Variants in KLK1 observed in about 807,000 individuals in gnomAD.
KLK1 encodes the protein kallikrein-1.
A neutral mutation model predicts 23.3 loss-of-function variants in KLK1; 22 were observed. The observed-to-expected ratio is 0.95, with a 90% CI of 0.68 to 1.35. The LOEUF (loss-of-function observed/expected upper bound fraction) is 1.35, where lower values mean the gene tolerates loss of function less well. Among genes scored for constraint, KLK1 ranks in the 40% most tolerant of loss-of-function variants. KLK1 has a pLI of 0.00. For missense variants in KLK1, 301 were observed against 338.9 expected (o/e 0.89, Z 0.88); for synonymous variants, 140 against 135.8 (o/e 1.03, Z -0.21).
chr19:50,823,183 G>A (rs1042923953), intron 1 of KLK1, among the ~76,000 whole-genome samples: 2 of 152,170 alleles, frequency 1.3e-5, no homozygotes, highest in African/African-American at 4.8e-5. Context: ...GAAGGACTGG[G>A]GAGACCAGAT....
In KLK1 at chr19:50,821,628, AG is replaced by A. The variant is rs1246663413; in HGVS notation, c.206+83del. 3.4e-6 allele frequency: 5 copies of A among 1,455,868 alleles called. No individual in the cohort carries two copies. In the East Asian group the frequency reaches 1.2e-4, roughly 36 times the overall value. The allele number at this position is 1,455,868 out of a possible 1,614,324, so 90.2% of individuals were successfully genotyped here. A position where few individuals can be genotyped will look rare whatever the true frequency, so the allele number is the denominator to read the frequency against. On this transcript the variant is annotated intron_variant, in intron 2 of 4. Coordinates refer to ENST00000301420, the MANE Select transcript of KLK1 (RefSeq NM_002257.4). The surrounding 1 kb of genome is among the most constrained non-coding windows in gnomAD (Gnocchi z 5.6). ...TGCCTCAGCCCCCCAGTCTTGCCTG[AG>A]GTTATCCAAGGGGAATGCCACTGGC...
chr19:50,823,687 C>T lies in KLK1; in HGVS notation c.46+16G>A, dbSNP rs766373558. 9.0e-6 allele frequency: 14 copies of T among 1,555,942 alleles called. No individual in the cohort carries two copies. The highest frequency in any genetic ancestry group is 6.9e-5 in the Admixed American group (4 of 58,276). The stretch of plus-strand genomic sequence containing the variant: ...TCAGGGCCCGTTCCCCCTCCCACAT[C>T]CCCCCACTGTCTCACCAGTCCCCCC... On this transcript the variant is annotated intron_variant, in intron 1 of 4. Transcript: ENST00000301420.
chr19:50,822,058 G>A (rs751404389), intron 1 of KLK1, 187 bp from the exon 2 acceptor site: 1 of 1,366,394 alleles, frequency 7.3e-7, no homozygotes, highest in Non-Finnish European at 9.4e-7. Flanking sequence ...TGGGCTTTTG[G>A]AGTGGTGGCT....
intron 1 of KLK1, chr19:50,822,410 T>G (rs1226970254): frequency 1.0e-6 from 1 of 985,930 alleles, no homozygotes; most frequent in African/African-American, 1.7e-5. Context: ...GAAGAGCATC[T>G]GGACTGAAGA....
chr19:50,819,905 G>A lies in KLK1; in HGVS notation c.627C>T (p.Thr209=), dbSNP rs544460909. The A allele has an allele frequency of 1.9e-6, 3 of 1,614,120 alleles. No individual in the cohort carries two copies. The highest frequency in any genetic ancestry group is 2.2e-5 in the South Asian group (2 of 91,072). ...GGGGGCAGGGCTGCCTCACCACACA[G>A]GTGTCTTTGCCACCTTCCAGGTGTC... ...CVGHLEGGKD[T]CVGDSGGPLM... The change falls in exon 4 of 5, where the codon ACC becomes ACT. Residue 209 remains threonine (T), a synonymous_variant. Coordinates refer to ENST00000301420, the MANE Select transcript of KLK1 (RefSeq NM_002257.4).
chr19:50,820,588 A>C, intron 2 of KLK1, 145 bp from the exon 3 acceptor site: 1 of 624,664 alleles, frequency 1.6e-6, no homozygotes, highest in South Asian at 2.0e-5. Context: ...AGATATAGTT[A>C]TGGAGAAATA....
chr19:50,822,861 A>G (rs758789020), intron 1 of KLK1: 1 of 983,592 alleles, frequency 1.0e-6, no homozygotes, highest in Non-Finnish European at 1.2e-6. Context: ...GTGAGGTTGT[A>G]GAATCACATA....
chr19:50,821,151 T>TC lies in KLK1; in HGVS notation c.206+560dup, dbSNP rs1387546882. Among the ~76,000 whole-genome samples the TC allele has an allele frequency of 2.0e-5, 3 of 152,054 alleles. No individual in the cohort carries two copies. The East Asian group carries it at 5.8e-4, about 29-fold the overall frequency. ...TCCTCCCTCAGTTGCCCCACCCAGC[T>TC]CCCGCTGAAACCAGCCCTTCCCTGT... On this transcript the variant is annotated intron_variant, in intron 2 of 4. Transcript: ENST00000301420. The surrounding 1 kb of genome is among the most constrained non-coding windows in gnomAD (Gnocchi z 5.6).
At chr19:50,820,705 A>C in intron 2 of KLK1, 1 of 367,332 alleles carries the variant, frequency 2.7e-6, no homozygotes, top group Non-Finnish European at 4.9e-6. Context: ...GGCGGAGGGG[A>C]GGGCAGTGAG....
chr19:50,823,636 G>T (rs529926442), intron 1 of KLK1, 67 bp downstream of exon 1: 4 of 1,069,190 alleles, frequency 3.7e-6, no homozygotes, highest in South Asian at 1.4e-5. Context: ...GTCTTATCGG[G>T]GGGGGATGTG....
chr19:50,822,341 T>A, intron 1 of KLK1: 1 of 987,974 alleles, frequency 1.0e-6, no homozygotes, highest in African/African-American at 1.8e-5. Flanking sequence ...AGGACCTGGG[T>A]TGGGCTTTTG....
At chr19:50,819,451 C>T in intron 4 of KLK1, 102 bp from the exon 5 acceptor site, 1 of 1,200,528 alleles carries the variant, frequency 8.3e-7, no homozygotes, top group Non-Finnish European at 1.2e-6. Flanking sequence ...TGCCCACTCC[C>T]AGAGGAAGGT....
intron 1 of KLK1, 101 bp downstream of exon 1, chr19:50,823,602 G>T: frequency 1.4e-6 from 1 of 726,176 alleles, no homozygotes; most frequent in East Asian, 2.7e-5. Flanking sequence ...CCAGAGGGAT[G>T]AGGGTGGGGT....
intron 2 of KLK1, 108 bp from the exon 3 acceptor site, chr19:50,820,551 T>C: frequency 1.3e-6 from 1 of 796,166 alleles, no homozygotes; most frequent in Non-Finnish European, 2.0e-6. Flanking sequence ...AAGAGAAAAA[T>C]GTGGGTGGGC....
rs937372903 is a variant in KLK1 at position 50,821,740 on chromosome 19, C to A, written c.178G>T (p.Val60Leu). ...CGGILVHRQW[V>L]LTAAHCISDN... ...CTGATGCAATGAGCAGCTGTGAGCA[C>A]CCACTGGCGGTGCACCAGGATGCCC... Residue 60 changes from valine to leucine, a missense_variant, in exon 2 of 5, where the codon GTG (valine) becomes TTG (leucine). By Grantham distance (32) the Val-to-Leu change is conservative. Transcript: ENST00000301420. This position sits in a 1 kb window ranked among gnomAD's most constrained non-coding sequence, Gnocchi z 5.6. 2 of 1,613,544 alleles carry A rather than the reference C, an allele frequency of 1.2e-6. No individual in the cohort carries two copies. The highest frequency in any genetic ancestry group is 1.7e-6 in the Non-Finnish European group (2 of 1,179,740).
chr19:50,820,582 A>T, intron 2 of KLK1, 139 bp from the exon 3 acceptor site: 2 of 642,350 alleles, frequency 3.1e-6, no homozygotes, highest in Non-Finnish European at 5.4e-6. Context: ...GAAGAAAGAT[A>T]TAGTTATGGA....
Position 50,823,602 on chromosome 19 carries a change from G to A in KLK1, c.46+101C>T, listed in dbSNP as rs550893002. ...AGGATAGACTGTGGGCCAGAGGGAT[G>A]AGGGTGGGGTGTTGGAGGGGAAGGT... On this transcript the variant is annotated intron_variant, in intron 1 of 4. Transcript: ENST00000301420. 6.1e-5 allele frequency: 44 copies of A among 726,176 alleles called. 1 individual carries two copies. The South Asian group carries it at 7.0e-4, about 12-fold the overall frequency. 45.0% of individuals were successfully genotyped at this position (726,176 alleles called of 1,614,324 possible). A position where few individuals can be genotyped will look rare whatever the true frequency, so the allele number is the denominator to read the frequency against.
intron 1 of KLK1, among the ~76,000 whole-genome samples, chr19:50,823,292 G>A (rs1040894447): frequency 2.0e-5 from 3 of 151,996 alleles, no homozygotes; most frequent in Admixed American, 2.0e-4. Context: ...ATAGGTGGCC[G>A]CAGGGAACTA....
rs972720069 is a variant in KLK1 at position 50,821,491 on chromosome 19, G to A, written c.206+221C>T. 2.6e-5 allele frequency among the ~76,000 whole-genome samples: 4 copies of A among 152,078 alleles called. No homozygotes were observed. Among genetic ancestry groups the A allele is most frequent in the African/African-American group, 9.7e-5 (4 of 41,398 alleles). The stretch of plus-strand genomic sequence containing the variant: ...AGAGGAAGACAGAGACCAGAACACA[G>A]TCACACAGAGACACAAGCAGAACCA... On this transcript the variant is annotated intron_variant, in intron 2 of 4. Coordinates refer to ENST00000301420, the MANE Select transcript of KLK1 (RefSeq NM_002257.4). This position sits in a 1 kb window ranked among gnomAD's most constrained non-coding sequence, Gnocchi z 5.6.
Sources: allele counts gnomAD v4.1 joint callset (sites outside exome capture counted in the v4.1 genomes callset), GRCh38; gene constraint gnomAD v4.1.1; non-coding constraint Gnocchi (gnomAD v3.1); transcripts MANE v1.5; gene names NCBI Gene and HGNC (gene_info 2026-07-23, HGNC 2026-07-21).